The following ITCH variants were observed in gnomAD, a reference collection of about 807,000 sequenced individuals.
ITCH encodes itchy E3 ubiquitin protein ligase.
Under a neutral mutation model 126.8 loss-of-function variants are expected in ITCH, and 28 were observed. The ratio of observed to expected loss-of-function variants is 0.22; its 90% CI spans 0.16 to 0.30. ITCH has a LOEUF of 0.30. ITCH is among the 10% of genes least tolerant of loss of function. The pLI, the probability that ITCH is intolerant of heterozygous loss-of-function variation, is 1.00. For missense variants in ITCH, 631 were observed against 1,032.4 expected (o/e 0.61, Z 5.33); for synonymous variants, 342 against 340.0 (o/e 1.01, Z -0.06).
intron 20 of ITCH, among the ~76,000 whole-genome samples, chr20:34,488,893 G>C (rs1311405381): frequency 2.0e-5 from 3 of 152,052 alleles, no homozygotes; most frequent in African/African-American, 7.2e-5. Context: ...CCAAAAATCA[G>C]CCAGGCGTGG....
chr20:34,401,401 T>C (rs79211800), intron 3 of ITCH, among the ~76,000 whole-genome samples: 2 of 152,120 alleles, frequency 1.3e-5, no homozygotes, highest in Non-Finnish European at 2.9e-5. Context: ...AAATTAACTT[T>C]CCAAAAAAAT....
rs1476401011 is a variant in ITCH, at chr20:34,479,562, A to G, written c.1659-68A>G. Reference sequence around the variant, plus strand: ...AGGGGTATAGATCCCTGAGAACTTTATAGCACTGTTCTTTGATTTCTTGGT... The same window carrying G: ...AGGGGTATAGATCCCTGAGAACTTTGTAGCACTGTTCTTTGATTTCTTGGT... On this transcript the variant is annotated intron_variant, in intron 17 of 24. Transcript: ENST00000374864. The G allele has an allele frequency of 8.2e-6, 11 of 1,341,026 alleles. No individual in the cohort carries two copies. The Admixed American group carries it at 1.8e-4, about 21-fold the overall frequency. The allele number at this position is 1,341,026 out of a possible 1,614,324, so 83.1% of individuals were successfully genotyped here. A position where few individuals can be genotyped will look rare whatever the true frequency, so the allele number is the denominator to read the frequency against.
intron 10 of ITCH, among the ~76,000 whole-genome samples, chr20:34,443,501 G>A (rs535710257): frequency 3.0e-4 from 45 of 149,188 alleles, no homozygotes; most frequent in Non-Finnish European, 5.0e-4. Flanking sequence ...TCAAGACTCC[G>A]TCAAAAAAAA....
chr20:34,445,402 C>T lies in ITCH; in HGVS notation c.1081C>T (p.Leu361=). The T allele has an allele frequency of 6.2e-7, 1 of 1,614,078 alleles. No homozygotes were observed. Among genetic ancestry groups the T allele is most frequent in the Middle Eastern group, 1.6e-4 (1 of 6,062 alleles). ...CGTCCGGAACTATGAACAATGGCAG[C>T]TACAGCGTAGTCAGCTTCAAGGAGC... is the stretch of plus-strand genomic sequence containing the variant. ...ESVRNYEQWQ[L]QRSQLQGAMQ... The change falls in exon 11 of 25, where the codon CTA becomes TTA. Residue 361 remains leucine (L), a synonymous_variant. Transcript: ENST00000374864.
chr20:34,391,678 T>TGTAAAACTA lies in ITCH; in HGVS notation c.-21-2110_-21-2109insAAACTAGTA, dbSNP rs557195867. ...GAATTTTAGTTATGTAAAACTAGTATGTATATGTACATAAATTATTGAAAT... is the reference window on the plus strand; with the variant it reads ...GAATTTTAGTTATGTAAAACTAGTATGTAAAACTAGTATATGTACATAAATTATTGAAAT... On this transcript the variant is annotated intron_variant, in intron 2 of 24. Coordinates refer to ENST00000374864, the MANE Select transcript of ITCH (RefSeq NM_031483.7). 2.6e-5 allele frequency among the ~76,000 whole-genome samples: 4 copies of TGTAAAACTA among 152,316 alleles called. No individual in the cohort carries two copies. In the South Asian group the frequency reaches 8.3e-4, roughly 32 times the overall value.
At chr20:34,455,716 A>G (rs1985834201) in intron 12 of ITCH, among the ~76,000 whole-genome samples, 1 of 150,936 alleles carries the variant, frequency 6.6e-6, no homozygotes, top group Admixed American at 6.6e-5. Flanking sequence ...GAGCTCAGGC[A>G]GTCCGCCCGC....
rs958805137 is a variant in ITCH, at chr20:34,506,176, A to G, written c.2490-1519A>G. Among the ~76,000 whole-genome samples, 8 of 151,578 alleles carry G rather than the reference A, an allele frequency of 5.3e-5. No homozygotes were observed. The East Asian group carries it at 1.6e-3, about 30-fold the overall frequency. Reference sequence around the variant, plus strand: ...CCTCCCGGGCTCAAACTGTCCTCCTACCTTAGCCTCCCAAGTAGCTGGGAC... The same window carrying G: ...CCTCCCGGGCTCAAACTGTCCTCCTGCCTTAGCCTCCCAAGTAGCTGGGAC... On this transcript the variant is annotated intron_variant, in intron 24 of 24. Transcript: ENST00000374864.
At position 34,477,890 on chromosome 20, in the gene ITCH, G is replaced by A. The variant is rs796655819; in HGVS notation, c.1658+30G>A. 5.0e-6 allele frequency: 8 copies of A among 1,612,662 alleles called. No individual in the cohort carries two copies. The African/African-American group carries it at 8.0e-5, about 16-fold the overall frequency. On this transcript the variant is annotated intron_variant, in intron 17 of 24. Transcript: ENST00000374864. ...TGATAATATGAATACTCAGAACTTA[G>A]TTCCTTTCCTCCAAAGGTACCATTG... is the stretch of plus-strand genomic sequence containing the variant.
chr20:34,506,869 A>C (rs181796080), intron 24 of ITCH, among the ~76,000 whole-genome samples: 36 of 152,064 alleles, frequency 2.4e-4, no homozygotes, highest in African/African-American at 6.8e-4. Flanking sequence ...AATATCTTTA[A>C]TTTTCATCCA....
At chr20:34,449,922 G>C (rs1293257557) in intron 12 of ITCH, among the ~76,000 whole-genome samples, 1 of 152,094 alleles carries the variant, frequency 6.6e-6, no homozygotes, top group Non-Finnish European at 1.5e-5. Context: ...AGGAAACAGG[G>C]TAGGTGGGAA....
At chr20:34,369,553 G>C (rs1568849308) in intron 2 of ITCH, 83 bp downstream of exon 2, 1 of 394,080 alleles carries the variant, frequency 2.5e-6, no homozygotes, top group Non-Finnish European at 4.5e-6. Flanking sequence ...TGTGAGGAGA[G>C]AGCAGTGTTG....
At chr20:34,413,907 A>G (rs1313416705) in intron 6 of ITCH, 28 bp downstream of exon 6, 4 of 1,574,114 alleles carry the variant, frequency 2.5e-6, no homozygotes, top group African/African-American at 1.4e-5. Context: ...TAAGGTCTTT[A>G]ATGATTCTTC....
intron 2 of ITCH, among the ~76,000 whole-genome samples, chr20:34,370,674 AAAAG>A (rs1043952679): frequency 4.0e-5 from 6 of 151,778 alleles, no homozygotes; most frequent in East Asian, 1.9e-4. Flanking sequence ...AAAAAAAAAA[AAAAG>A]AAAAGAAATG....
At chr20:34,474,401 A>G (rs1469294792) in intron 16 of ITCH, among the ~76,000 whole-genome samples, 1 of 152,224 alleles carries the variant, frequency 6.6e-6, no homozygotes, top group African/African-American at 2.4e-5. Flanking sequence ...TCTGTTTAAC[A>G]AAGCACATCT....
intron 23 of ITCH, among the ~76,000 whole-genome samples, chr20:34,496,360 G>T (rs976821020): frequency 6.6e-6 from 1 of 152,130 alleles, no homozygotes. Context: ...TTTGTTGGAT[G>T]AATTGTTTGC....
chr20:34,501,497 T>C (rs1990240406), intron 23 of ITCH, among the ~76,000 whole-genome samples: 1 of 152,136 alleles, frequency 6.6e-6, no homozygotes, highest in Non-Finnish European at 1.5e-5. Context: ...CTGGAAGGGC[T>C]GAGTGCGGTG....
chr20:34,420,467 T>C (rs2146206063), intron 6 of ITCH, among the ~76,000 whole-genome samples: 1 of 152,368 alleles, frequency 6.6e-6, no homozygotes, highest in African/African-American at 2.4e-5. Context: ...CACAATTTGT[T>C]TATCCATTCA....
At chr20:34,413,138 G>A (rs1910280302) in intron 5 of ITCH, among the ~76,000 whole-genome samples, 1 of 151,968 alleles carries the variant, frequency 6.6e-6, no homozygotes. Context: ...TCCTGCCTCA[G>A]CCTCCTGATA....
intron 2 of ITCH, among the ~76,000 whole-genome samples, chr20:34,383,508 A>G (rs1406109960): frequency 1.3e-5 from 2 of 151,412 alleles, no homozygotes; most frequent in South Asian, 2.1e-4. Context: ...CTGGGATTAC[A>G]GGTATGCGCC....
Sources: allele counts gnomAD v4.1 joint callset (sites outside exome capture counted in the v4.1 genomes callset), GRCh38; gene constraint gnomAD v4.1.1; transcripts MANE v1.5; gene names NCBI Gene and HGNC (gene_info 2026-07-23, HGNC 2026-07-21).